The following KDM4C variants were observed in gnomAD, a reference collection of about 807,000 sequenced individuals.
The protein encoded by KDM4C is lysine demethylase 4C.
KDM4C carries 81 observed loss-of-function variants against 129.3 expected under a neutral mutation model. That is an observed-to-expected ratio of 0.63 (90% CI 0.52 to 0.75). The LOEUF (loss-of-function observed/expected upper bound fraction) is 0.75. Ranked by LOEUF, KDM4C falls within the 30% of genes least tolerant of loss-of-function variation. The pLI is 0.00. For synonymous variants in KDM4C, 573 were observed against 456.1 expected (o/e 1.26, Z -3.26); for missense variants, 1,457 against 1,304.0 (o/e 1.12, Z -1.81).
intron 17 of KDM4C, among the ~76,000 whole-genome samples, chr9:7,052,168 C>T (rs1830239804): frequency 1.3e-5 from 2 of 152,004 alleles, no homozygotes; most frequent in Admixed American, 6.6e-5. Flanking sequence ...TTTTTCAAAT[C>T]CAAATTTCTT....
chr9:7,033,240 A>C (rs1408833778), intron 15 of KDM4C, among the ~76,000 whole-genome samples: 1 of 152,150 alleles, frequency 6.6e-6, no homozygotes, highest in Non-Finnish European at 1.5e-5. Context: ...ATACAAAGTA[A>C]AACTAGTGGA....
intron 7 of KDM4C, among the ~76,000 whole-genome samples, chr9:6,892,444 C>T (rs1178625885): frequency 2.0e-5 from 3 of 151,940 alleles, no homozygotes; most frequent in South Asian, 2.1e-4. Context: ...AGGGTAAATA[C>T]ATTTAAAATT....
In KDM4C at chr9:7,005,542, G is replaced by T. The variant is rs1425407230; in HGVS notation, c.1787-6156G>T. ...ATTTAACTAAAGGTAAGGGGACTAG[G>T]CTGCCTTCAGCCAGATTTATTACCG... On this transcript the variant is annotated intron_variant, in intron 12 of 21. Transcript: ENST00000381309. 6.3e-3 allele frequency among the ~76,000 whole-genome samples: 952 copies of T among 152,104 alleles called. 10 individuals carry two copies. Among genetic ancestry groups the T allele is most frequent in the African/African-American group, 0.022 (915 of 41,450 alleles).
intron 19 of KDM4C, among the ~76,000 whole-genome samples, chr9:7,156,361 C>G (rs1005392759): frequency 4.6e-5 from 7 of 152,160 alleles, no homozygotes; most frequent in African/African-American, 1.7e-4. Flanking sequence ...AGTTTAATTT[C>G]ATGCCATTTG....
intron 15 of KDM4C, among the ~76,000 whole-genome samples, chr9:7,041,124 A>G (rs1446289554): frequency 1.3e-5 from 2 of 151,522 alleles, no homozygotes; most frequent in Admixed American, 1.3e-4. Flanking sequence ...GGATATGTGG[A>G]TTCAACCAAC....
intron 19 of KDM4C, among the ~76,000 whole-genome samples, chr9:7,152,766 G>T (rs1728378151): frequency 6.6e-6 from 1 of 152,164 alleles, no homozygotes; most frequent in Admixed American, 6.5e-5. Context: ...AGGAGGCGAA[G>T]GAACATGGCA....
At chr9:6,987,591 CA>C (rs1173148047) in intron 11 of KDM4C, among the ~76,000 whole-genome samples, 1 of 152,100 alleles carries the variant, frequency 6.6e-6, no homozygotes. Context: ...GGTTTCAACT[CA>C]AAATAGATCC....
At chr9:6,780,141 C>A (rs1354657423) in intron 1 of KDM4C, among the ~76,000 whole-genome samples, 1 of 152,074 alleles carries the variant, frequency 6.6e-6, no homozygotes, top group African/African-American at 2.4e-5. Context: ...GTTAATATAT[C>A]CAAATACCAG....
At chr9:6,886,499 C>CTTT (rs36095385) in intron 6 of KDM4C, among the ~76,000 whole-genome samples, 3 of 133,204 alleles carry the variant, frequency 2.3e-5, no homozygotes, top group African/African-American at 2.8e-5. Context: ...TTCTTTTTTC[C>CTTT]TTTTTTTTTT....
intron 4 of KDM4C, among the ~76,000 whole-genome samples, chr9:6,829,998 C>T (rs1473822885): frequency 3.3e-5 from 5 of 152,046 alleles, no homozygotes; most frequent in African/African-American, 1.2e-4. Flanking sequence ...AGAAAGGAAC[C>T]ATTCATCTAC....
intron 8 of KDM4C, chr9:6,924,701 G>A: frequency 2.1e-6 from 2 of 937,362 alleles, no homozygotes; most frequent in Non-Finnish European, 2.5e-6. Flanking sequence ...GATGCATAAT[G>A]TGTCATCCTG....
At position 6,732,364 on chromosome 9, in the gene KDM4C, CAAAAAAAAAAAAAAAAAAAA is replaced by C. The variant is rs66904997; in HGVS notation, c.49+11385_49+11404del. On this transcript the variant is annotated intron_variant, in intron 1 of 17. Coordinates refer to the KDM4C transcript ENST00000536108. ...TGGGTGACAGAGCAAGACTCTGTCT[CAAAAAAAAAAAAAAAAAAAA>C]AAAAAAAAAAAAAAAAAGAATGAGG... 9.0e-4 allele frequency among the ~76,000 whole-genome samples: 27 copies of C among 30,000 alleles called. 1 individual carries two copies. Among genetic ancestry groups the C allele is most frequent in the East Asian group, 1.5e-3 (1 of 652 alleles). 19.7% of individuals were successfully genotyped at this position (30,000 alleles called of 152,430 possible). A position where few individuals can be genotyped will look rare whatever the true frequency, so the allele number is the denominator to read the frequency against.
chr9:7,149,388 C>T (rs1046041337), intron 19 of KDM4C, among the ~76,000 whole-genome samples: 1 of 152,240 alleles, frequency 6.6e-6, no homozygotes, highest in African/African-American at 2.4e-5. Context: ...CAGGGGCCTT[C>T]CTGGGACCCT....
chr9:6,724,827 C>A (rs988497275), intron 1 of KDM4C, among the ~76,000 whole-genome samples: 1 of 152,118 alleles, frequency 6.6e-6, no homozygotes, highest in Non-Finnish European at 1.5e-5. Context: ...CAGTGTCCGG[C>A]CTCTGGGTGT....
intron 19 of KDM4C, among the ~76,000 whole-genome samples, chr9:7,150,974 T>C (rs1842674401): frequency 6.6e-6 from 1 of 152,108 alleles, no homozygotes; most frequent in African/African-American, 2.4e-5. Context: ...TAACCAAGCA[T>C]CGTGTCCACT....
At chr9:7,136,487 C>T (rs1841220054) in intron 19 of KDM4C, among the ~76,000 whole-genome samples, 1 of 152,220 alleles carries the variant, frequency 6.6e-6, no homozygotes, top group East Asian at 1.9e-4. Flanking sequence ...TCCTCACCAA[C>T]ACCTGTGTTG....
chr9:6,725,698 T>C (rs1327458358), intron 1 of KDM4C, among the ~76,000 whole-genome samples: 13 of 138,106 alleles, frequency 9.4e-5, no homozygotes, highest in Admixed American at 2.2e-4. Flanking sequence ...TTTCTTTTCT[T>C]TTCTTTTCTT....
chr9:7,165,526 G>A (rs1324448219), intron 20 of KDM4C, among the ~76,000 whole-genome samples, 169 bp downstream of exon 20: 4 of 152,258 alleles, frequency 2.6e-5, no homozygotes, highest in African/African-American at 9.6e-5. Context: ...AAACCCTGGA[G>A]TTTTATTACC....
intron 17 of KDM4C, among the ~76,000 whole-genome samples, chr9:7,099,885 A>C (rs1836877490): frequency 6.6e-6 from 1 of 150,846 alleles, no homozygotes; most frequent in South Asian, 2.1e-4. Flanking sequence ...TTCAATTTTC[A>C]ATTTTTTCAA....
Sources: gnomAD v4.1 joint callset for allele counts (sites outside exome capture counted in the v4.1 genomes callset) on GRCh38, gnomAD v4.1.1 for gene constraint, MANE v1.5 for transcripts, NCBI Gene and HGNC (gene_info 2026-07-23, HGNC 2026-07-21) for gene names.